CXADR: variants seen among roughly 807,000 people sequenced by gnomAD.
CXADR encodes coxsackievirus and adenovirus receptor.
In CXADR, 20 loss-of-function variants were observed where a neutral mutation model predicts 40.3. The observed-to-expected ratio is 0.50, with a 90% confidence interval of 0.35 to 0.72. The LOEUF is 0.72. Ranked by LOEUF, CXADR falls within the 30% of genes least tolerant of loss-of-function variation. CXADR has a pLI of 0.01. For missense variants in CXADR, 332 were observed against 449.1 expected (o/e 0.74, Z 2.36); for synonymous variants, 150 against 161.3 (o/e 0.93, Z 0.53).
intron 2 of CXADR, among the ~76,000 whole-genome samples, chr21:17,548,840 C>T (rs894663158): frequency 6.6e-6 from 1 of 152,206 alleles, no homozygotes; most frequent in Non-Finnish European, 1.5e-5. Context: ...TGGGACTTGA[C>T]TCTGAGTGAC....
the CXADR span, chr21:17,608,823 G>C: frequency 1.3e-6 from 1 of 747,870 alleles, no homozygotes; most frequent in African/African-American, 1.8e-5. Context: ...GTTTTAAAAT[G>C]AGTAAGGAGA....
At chr21:17,562,096 G>A (rs2061131096) in intron 6 of CXADR, among the ~76,000 whole-genome samples, 1 of 152,062 alleles carries the variant, frequency 6.6e-6, no homozygotes, top group African/African-American at 2.4e-5. Flanking sequence ...ATACTATATT[G>A]TAGTCTAAAA....
chr21:17,616,277 C>T, the CXADR span, among the ~76,000 whole-genome samples: 1 of 146,962 alleles, frequency 6.8e-6, no homozygotes, highest in African/African-American at 2.6e-5. Flanking sequence ...GAAAAAAAAA[C>T]AGTCTTGGGT....
chr21:17,551,774 T>C lies in CXADR; in HGVS notation c.236T>C (p.Ile79Thr). Reference protein sequence around the residue: ...QVIILYSGDKIYDDYYPDLKG... With the variant: ...QVIILYSGDKTYDDYYPDLKG... ...ATTATTTTATATTCTGGAGACAAAA[T>C]TTATGATGACTACTATCCAGATCTG... Residue 79 changes from isoleucine to threonine, a missense_variant, in exon 3 of 7, where the codon ATT (isoleucine) becomes ACT (threonine). Physicochemically the swap from Ile to Thr is moderately conservative, Grantham distance 89. Around this residue, in one of 3 missense-constraint regions of CXADR, gnomAD observed 162 missense variants for 198.5 expected, o/e 0.82. Transcript: ENST00000284878. The C allele has an allele frequency of 6.2e-7, 1 of 1,612,850 alleles. No homozygotes were observed. Among genetic ancestry groups the C allele is most frequent in the Non-Finnish European group, 8.5e-7 (1 of 1,179,126 alleles).
intron 1 of CXADR, among the ~76,000 whole-genome samples, chr21:17,519,410 C>G (rs921602664): frequency 3.3e-5 from 5 of 152,222 alleles, no homozygotes; most frequent in African/African-American, 1.2e-4. Context: ...AAAGATGGTC[C>G]TTACAGTGAT....
Position 17,566,438 on chromosome 21 carries a change from G to A in CXADR, c.*746G>A. 1.0e-6 allele frequency: 1 copy of A among 985,430 alleles called. No homozygotes were observed. Among genetic ancestry groups the A allele is most frequent in the South Asian group, 4.7e-5 (1 of 21,286 alleles). The allele number at this position is 985,430 out of a possible 1,614,324, so 61.0% of individuals were successfully genotyped here. On this transcript the variant is annotated 3_prime_UTR_variant, in exon 7 of 7. Transcript: ENST00000284878. ...GCCACATATTGAGATGACACTAGGTGCAATAGCAGGGATAGATTTTGTTGG... is the reference window on the plus strand; with the variant it reads ...GCCACATATTGAGATGACACTAGGTACAATAGCAGGGATAGATTTTGTTGG...
In CXADR at chr21:17,560,799, C is replaced by T. The variant is rs369924558; in HGVS notation, c.669C>T (p.Cys223=). Residue 223 remains cysteine (C), a synonymous_variant, in exon 5 of 7, where the codon TGC becomes TGT. Coordinates refer to ENST00000284878, the MANE Select transcript of CXADR (RefSeq NM_001338.5). The part of the protein sequence containing the change: ...TVRNRVGSDQ[C]LLRLNVVPPS... ...GAAACAGAGTGGGCTCTGATCAGTG[C>T]CTGTTGCGTCTAAACGTTGTCCCTC... 9.3e-6 allele frequency: 15 copies of T among 1,613,762 alleles called. No homozygotes were observed. Among genetic ancestry groups the T allele is most frequent in the Non-Finnish European group, 1.3e-5 (15 of 1,179,880 alleles).
the CXADR span, chr21:17,614,146 G>A: frequency 1.1e-4 from 16 of 151,326 alleles, no homozygotes; most frequent in African/African-American, 3.6e-4. Flanking sequence ...TCTACTTACT[G>A]GTACATTTAA....
At chr21:17,596,432 G>A (rs759285672), downstream of CXADR, among the ~76,000 whole-genome samples, 1 of 151,896 alleles carries the variant, frequency 6.6e-6, no homozygotes, top group Non-Finnish European at 1.5e-5. Context: ...TTTATGTCTA[G>A]GTACACAATC....
chr21:17,533,777 TG>T (rs996124494), intron 1 of CXADR, among the ~76,000 whole-genome samples: 4 of 152,004 alleles, frequency 2.6e-5, no homozygotes, highest in African/African-American at 9.6e-5. Context: ...GATTTCTCAT[TG>T]GGGATAGGGA....
At chr21:17,635,707 C>CCA in the CXADR span, among the ~76,000 whole-genome samples, 2 of 152,102 alleles carry the variant, frequency 1.3e-5, no homozygotes, top group Admixed American at 6.5e-5. Flanking sequence ...TTTAAGAAAA[C>CCA]CACACACACA....
the CXADR span, among the ~76,000 whole-genome samples, chr21:17,607,567 A>G: frequency 6.6e-6 from 1 of 152,196 alleles, no homozygotes; most frequent in Non-Finnish European, 1.5e-5. Context: ...AGCTCACTTG[A>G]CTTTCAGTAC....
chr21:17,619,609 A>AG, the CXADR span, among the ~76,000 whole-genome samples: 87 of 151,228 alleles, frequency 5.8e-4, 1 homozygote, highest in South Asian at 2.1e-3. Flanking sequence ...AAAAAAAAAA[A>AG]AGAGAGAGAT....
chr21:17,607,120 A>G, the CXADR span, among the ~76,000 whole-genome samples: 3 of 152,212 alleles, frequency 2.0e-5, no homozygotes, highest in Non-Finnish European at 4.4e-5. Flanking sequence ...CTTCAAATAC[A>G]GCTTTAAAAT....
At chr21:17,610,915 TGAAATAAATTCTA>T in the CXADR span, among the ~76,000 whole-genome samples, 141 of 152,242 alleles carry the variant, frequency 9.3e-4, 1 homozygote, top group African/African-American at 3.4e-3. Flanking sequence ...AACCTCACTG[TGAAATAAATTCTA>T]CACAGTTATC....
chr21:17,584,127 TAGA>T (rs758232319), intron 7 of CXADR, among the ~76,000 whole-genome samples: 1 of 152,190 alleles, frequency 6.6e-6, no homozygotes, highest in Non-Finnish European at 1.5e-5. Flanking sequence ...AGGATTCTGT[TAGA>T]AGAAGTAAAT....
intron 1 of CXADR, among the ~76,000 whole-genome samples, chr21:17,540,747 A>G (rs2060816527): frequency 6.6e-6 from 1 of 152,242 alleles, no homozygotes; most frequent in African/African-American, 2.4e-5. Context: ...GTGGATTAGC[A>G]CACTGACATT....
intron 1 of CXADR, among the ~76,000 whole-genome samples, chr21:17,534,045 T>C (rs868868231): frequency 0.014 from 1,735 of 127,284 alleles, 17 homozygotes; most frequent in African/African-American, 0.024. Flanking sequence ...TATATATATA[T>C]ACACATATAT....
Position 17,551,829 on chromosome 21 carries a change from T to A in CXADR, c.291T>A (p.Asp97Glu). The A allele has an allele frequency of 6.2e-7, 1 of 1,613,896 alleles. No individual in the cohort carries two copies. Among genetic ancestry groups the A allele is most frequent in the Non-Finnish European group, 8.5e-7 (1 of 1,179,838 alleles). Residue 97 changes from aspartate to glutamate, a missense_variant, in exon 3 of 7, where the codon GAT becomes GAA. This residue lies in a region of CXADR where 162 missense variants were observed against 198.5 expected (regional missense o/e 0.82). Coordinates refer to ENST00000284878, the MANE Select transcript of CXADR (RefSeq NM_001338.5). Reference sequence around the variant, plus strand: ...GCCGAGTACATTTTACGAGTAATGATCTCAAATCTGGTGATGCATCAATAA... The same window carrying A: ...GCCGAGTACATTTTACGAGTAATGAACTCAAATCTGGTGATGCATCAATAA... ...LKGRVHFTSN[D>E]LKSGDASINV...
Sources: gnomAD v4.1 joint callset for allele counts (sites outside exome capture counted in the v4.1 genomes callset) on GRCh38, gnomAD v4.1.1 for gene constraint, gnomAD v4.1.1 regional missense constraint, MANE v1.5 for transcripts, NCBI Gene and HGNC (gene_info 2026-07-23, HGNC 2026-07-21) for gene names.